RGS8: variants seen among roughly 807,000 people sequenced by gnomAD.
The protein encoded by RGS8 is regulator of G protein signaling 8, also known as regulator of G-protein signaling 8.
RGS8 carries 8 observed loss-of-function variants against 21.7 expected under a neutral mutation model. The ratio of observed to expected loss-of-function variants is 0.37; its 90% CI spans 0.22 to 0.66. The LOEUF is 0.66. Ranked by LOEUF, RGS8 falls within the 30% of genes least tolerant of loss-of-function variation. The probability of loss-of-function intolerance (pLI) is 0.59; values close to 1 mark genes in which losing one functional copy is unlikely to be tolerated. For synonymous variants in RGS8, 80 were observed against 83.6 expected (o/e 0.96, Z 0.24); for missense variants, 157 against 217.9 (o/e 0.72, Z 1.76).
intron 1 of RGS8, among the ~76,000 whole-genome samples, chr1:182,680,992 C>A (rs1220165936): frequency 6.6e-6 from 1 of 152,214 alleles, no homozygotes; most frequent in East Asian, 1.9e-4. Flanking sequence ...CTTCTCATCT[C>A]TGAAATCAGA....
the RGS8 span, among the ~76,000 whole-genome samples, chr1:182,705,484 T>A: frequency 7.2e-5 from 11 of 152,354 alleles, no homozygotes; most frequent in Middle Eastern, 3.4e-3. Context: ...ACCAGCTATC[T>A]GGGCATCTCT....
upstream of RGS8, among the ~76,000 whole-genome samples, chr1:182,675,666 T>G (rs149614208): frequency 7.8e-4 from 118 of 152,254 alleles, 1 homozygote; most frequent in African/African-American, 2.6e-3. Context: ...GCCTATTAAC[T>G]CTCAGCTTCT....
At chr1:182,661,170 G>A (rs1366901694) in intron 5 of RGS8, among the ~76,000 whole-genome samples, 1 of 151,574 alleles carries the variant, frequency 6.6e-6, no homozygotes, top group African/African-American at 2.4e-5. Flanking sequence ...TATCTCAAAA[G>A]GGGCTAATTT....
intron 5 of RGS8, among the ~76,000 whole-genome samples, chr1:182,651,167 G>C (rs993941953): frequency 1.3e-5 from 2 of 152,206 alleles, no homozygotes; most frequent in Non-Finnish European, 2.9e-5. Context: ...GAGATGGACT[G>C]AGAATCATTC....
chr1:182,751,014 T>C, the RGS8 span, among the ~76,000 whole-genome samples: 3 of 152,168 alleles, frequency 2.0e-5, no homozygotes, highest in Non-Finnish European at 4.4e-5. Context: ...ATGGATAACA[T>C]TTTGATGGAG....
At chr1:182,720,633 C>A in the RGS8 span, among the ~76,000 whole-genome samples, 2,044 of 152,178 alleles carry the variant, frequency 0.013, 47 homozygotes, top group African/African-American at 0.047. Flanking sequence ...CTGTTCACTG[C>A]AGGCCCATGT....
At chr1:182,673,267 T>C (rs971166597), upstream of RGS8, among the ~76,000 whole-genome samples, 9 of 152,216 alleles carry the variant, frequency 5.9e-5, no homozygotes, top group Admixed American at 5.9e-4. Context: ...ATAAAGCATT[T>C]TCATGTATTG....
chr1:182,712,359 T>A, the RGS8 span, among the ~76,000 whole-genome samples: 1 of 152,234 alleles, frequency 6.6e-6, no homozygotes, highest in Admixed American at 6.5e-5. Context: ...ATTACTCAGG[T>A]CATACAGAGC....
At chr1:182,706,115 T>C in the RGS8 span, among the ~76,000 whole-genome samples, 3 of 152,096 alleles carry the variant, frequency 2.0e-5, no homozygotes, top group Non-Finnish European at 2.9e-5. Flanking sequence ...CCCAAGTGGC[T>C]GGGACTATAG....
intron 5 of RGS8, among the ~76,000 whole-genome samples, chr1:182,664,022 C>T (rs1257925418): frequency 1.3e-5 from 2 of 152,080 alleles, no homozygotes; most frequent in Non-Finnish European, 2.9e-5. Flanking sequence ...ATTGCATTCC[C>T]AAAAACCAAA....
At chr1:182,741,475 C>G in the RGS8 span, among the ~76,000 whole-genome samples, 70 of 137,128 alleles carry the variant, frequency 5.1e-4, 1 homozygote, top group Admixed American at 1.8e-3. Context: ...ACTTCCGGGA[C>G]CGGGCGGCTG....
At chr1:182,685,188 C>T (rs879213048), upstream of RGS8, among the ~76,000 whole-genome samples, 4 of 152,166 alleles carry the variant, frequency 2.6e-5, no homozygotes, top group Admixed American at 1.3e-4. Context: ...ACTGTCCCCT[C>T]GACCACCTGC....
At chr1:182,746,453 G>A in the RGS8 span, among the ~76,000 whole-genome samples, 5 of 152,246 alleles carry the variant, frequency 3.3e-5, no homozygotes, top group African/African-American at 1.2e-4. Context: ...GATCACTTAA[G>A]TCCAGGAGTT....
At chr1:182,731,509 T>C in the RGS8 span, among the ~76,000 whole-genome samples, 4 of 152,212 alleles carry the variant, frequency 2.6e-5, no homozygotes, top group Non-Finnish European at 4.4e-5. Flanking sequence ...GAAAAAGTCT[T>C]CTTCTAGTTC....
the RGS8 span, among the ~76,000 whole-genome samples, chr1:182,705,545 C>CAAGACAGTATA: frequency 6.6e-6 from 1 of 151,072 alleles, no homozygotes; most frequent in African/African-American, 2.4e-5. Flanking sequence ...TTTTTTATAG[C>CAAGACAGTATA]TACTTTATCT....
At chr1:182,646,527 C>T in exon 7 of RGS8, 1 of 549,590 alleles carries the variant, frequency 1.8e-6, no homozygotes, top group South Asian at 2.6e-5. Flanking sequence ...CTACCACTAA[C>T]CAAAACACAA....
upstream of RGS8, among the ~76,000 whole-genome samples, chr1:182,674,999 T>G (rs1342847131): frequency 1.3e-5 from 2 of 152,142 alleles, no homozygotes; most frequent in East Asian, 3.9e-4. Flanking sequence ...AATCAGTGCT[T>G]CAATCTTGCC....
intron 5 of RGS8, among the ~76,000 whole-genome samples, chr1:182,663,410 C>T (rs564526169): frequency 7.1e-4 from 108 of 152,296 alleles, no homozygotes; most frequent in Middle Eastern, 3.4e-3. Context: ...TGGCTTTTTA[C>T]TTCTATACTA....
chr1:182,723,969 G>A, the RGS8 span, among the ~76,000 whole-genome samples: 1 of 151,888 alleles, frequency 6.6e-6, no homozygotes, highest in Non-Finnish European at 1.5e-5. Context: ...ACTGCCACGT[G>A]GTTGGATAAT....
Sources: allele counts gnomAD v4.1 joint callset (sites outside exome capture counted in the v4.1 genomes callset), GRCh38; gene constraint gnomAD v4.1.1; transcripts MANE v1.5; gene names NCBI Gene and HGNC (gene_info 2026-07-23, HGNC 2026-07-21).